Variants in LIMA1 observed in about 807,000 individuals in gnomAD.
LIMA1 encodes the protein LIM domain and actin binding 1.
In LIMA1, 52 loss-of-function variants were observed where a neutral mutation model predicts 62.6. The ratio of observed to expected loss-of-function variants is 0.83; its 90% CI spans 0.67 to 1.05. The LOEUF (loss-of-function observed/expected upper bound fraction) is 1.05, where lower values mean the gene tolerates loss of function less well. Ranked by LOEUF, LIMA1 falls within the 50% of genes least tolerant of loss-of-function variation. The probability of loss-of-function intolerance (pLI) is 0.00; values close to 1 mark genes in which losing one functional copy is unlikely to be tolerated. For missense variants in LIMA1, 780 were observed against 902.2 expected (o/e 0.86, Z 1.74); for synonymous variants, 302 against 317.8 (o/e 0.95, Z 0.53).
At chr12:50,199,399 C>T (rs191866435) in intron 7 of LIMA1, among the ~76,000 whole-genome samples, 1 of 152,262 alleles carries the variant, frequency 6.6e-6, no homozygotes, top group Admixed American at 6.5e-5. Context: ...GTTGTATCTG[C>T]CTGGAATAGC....
intron 4 of LIMA1, among the ~76,000 whole-genome samples, chr12:50,215,177 T>C (rs1199103146): frequency 6.6e-6 from 1 of 152,236 alleles, no homozygotes; most frequent in Admixed American, 6.5e-5. Context: ...CACTCTTATG[T>C]ACGAGTGTTA....
intron 1 of LIMA1, among the ~76,000 whole-genome samples, chr12:50,280,463 T>C (rs1307373664): frequency 2.0e-5 from 3 of 151,970 alleles, no homozygotes; most frequent in Non-Finnish European, 2.9e-5. Flanking sequence ...CGGCCCAGGG[T>C]AGTAGTATTA....
chr12:50,179,291 G>A (rs1189690640), intron 10 of LIMA1, among the ~76,000 whole-genome samples: 2 of 152,066 alleles, frequency 1.3e-5, no homozygotes, highest in African/African-American at 2.4e-5. Context: ...ACAGGTGTGT[G>A]CCACCATGCA....
intron 9 of LIMA1, chr12:50,186,130 T>C (rs1190005915): frequency 2.0e-5 from 3 of 152,330 alleles, no homozygotes; most frequent in Non-Finnish European, 4.4e-5. Flanking sequence ...CCTAAAAATC[T>C]CTACCATTAT....
intron 8 of LIMA1, among the ~76,000 whole-genome samples, chr12:50,193,739 A>G (rs1369205470): frequency 7.8e-6 from 1 of 128,022 alleles, no homozygotes; most frequent in Non-Finnish European, 1.6e-5. Flanking sequence ...ATCTCGGCTC[A>G]CTGCAACCTC....
chr12:50,265,488 C>A (rs532419842), intron 1 of LIMA1, among the ~76,000 whole-genome samples: 6 of 151,670 alleles, frequency 4.0e-5, no homozygotes, highest in Admixed American at 3.9e-4. Context: ...CCATTGCACA[C>A]CAGCCTGGGC....
At chr12:50,222,860 T>C (rs1941471004) in intron 3 of LIMA1, among the ~76,000 whole-genome samples, 1 of 151,910 alleles carries the variant, frequency 6.6e-6, no homozygotes, top group African/African-American at 2.4e-5. Flanking sequence ...TGAAACACTG[T>C]AACTACACAT....
chr12:50,193,055 AG>A (rs1940815521), intron 8 of LIMA1, among the ~76,000 whole-genome samples: 1 of 152,088 alleles, frequency 6.6e-6, no homozygotes, highest in African/African-American at 2.4e-5. Context: ...GTTTTTGGTC[AG>A]TTCTATAGCA....
At chr12:50,244,298 T>C (rs1483816752) in intron 2 of LIMA1, among the ~76,000 whole-genome samples, 1 of 152,040 alleles carries the variant, frequency 6.6e-6, no homozygotes, top group Non-Finnish European at 1.5e-5. Flanking sequence ...AGAGATAGGG[T>C]TTCACCACGT....
At position 50,175,824 on chromosome 12, in the gene LIMA1, G is replaced by A. The variant is rs1940320768; in HGVS notation, c.*1240C>T. ...ATTAAAATCTTTATTGAATAAAAAT[G>A]TTTCAGACTAGGTAAGACTAAGAAA... On this transcript the variant is annotated 3_prime_UTR_variant, in exon 11 of 11. Transcript: ENST00000341247. The A allele has an allele frequency of 6.6e-6, 1 of 152,102 alleles. No homozygotes were observed. Among genetic ancestry groups the A allele is most frequent in the African/African-American group, 2.4e-5 (1 of 41,426 alleles). 9.4% of individuals were successfully genotyped at this position (152,102 alleles called of 1,614,324 possible).
chr12:50,275,982 G>A (rs1412980865), intron 1 of LIMA1, among the ~76,000 whole-genome samples: 1 of 152,146 alleles, frequency 6.6e-6, no homozygotes, highest in Admixed American at 6.5e-5. Context: ...CTGATCTGCA[G>A]GTCTAGGTGG....
intron 1 of LIMA1, among the ~76,000 whole-genome samples, chr12:50,270,949 G>A (rs1051439586): frequency 7.2e-5 from 11 of 151,984 alleles, no homozygotes; most frequent in Non-Finnish European, 1.0e-4. Flanking sequence ...AAAATTAGCC[G>A]GGCGTGGTGG....
rs376940028 is a variant in LIMA1, at chr12:50,252,708, T to C, written c.-23-3934A>G. ...GAGTGATCAGAGATTAGGTCTAATC[T>C]TATGTGCTATTTACTTAGCACATGC... is the stretch of plus-strand genomic sequence containing the variant. On this transcript the variant is annotated intron_variant, in intron 1 of 10. Coordinates refer to ENST00000341247, the MANE Select transcript of LIMA1 (RefSeq NM_016357.5). Among the ~76,000 whole-genome samples, 6 of 152,228 alleles carry C rather than the reference T, an allele frequency of 3.9e-5. No individual in the cohort carries two copies. The South Asian group carries it at 1.2e-3, about 32-fold the overall frequency.
At chr12:50,251,495 C>A (rs1460922393) in intron 1 of LIMA1, among the ~76,000 whole-genome samples, 1 of 151,778 alleles carries the variant, frequency 6.6e-6, no homozygotes, top group African/African-American at 2.4e-5. Flanking sequence ...GTGGTACACC[C>A]CTGTAATCCC....
intron 7 of LIMA1, among the ~76,000 whole-genome samples, chr12:50,200,562 T>C (rs1007705030): frequency 1.3e-5 from 2 of 152,194 alleles, no homozygotes; most frequent in African/African-American, 4.8e-5. Context: ...CTGAGCAAAA[T>C]AATTTTCCAA....
intron 1 of LIMA1, among the ~76,000 whole-genome samples, chr12:50,268,281 C>T (rs1246112663): frequency 6.6e-6 from 1 of 152,150 alleles, no homozygotes; most frequent in Non-Finnish European, 1.5e-5. Flanking sequence ...ACAGCCCAGG[C>T]ATTGAGAGAG....
chr12:50,185,808 A>G (rs933767621), intron 9 of LIMA1: 2 of 216,400 alleles, frequency 9.2e-6, no homozygotes, highest in South Asian at 1.3e-4. Context: ...CCTCCTTAAC[A>G]TCAAGTTAAT....
intron 8 of LIMA1, among the ~76,000 whole-genome samples, chr12:50,193,592 T>TA (rs1940846477): frequency 1.1e-5 from 1 of 89,374 alleles, no homozygotes; most frequent in Non-Finnish European, 2.2e-5. Flanking sequence ...CATGTATATA[T>TA]GATATATATA....
chr12:50,194,265 A>AG (rs1940877800), intron 8 of LIMA1, among the ~76,000 whole-genome samples: 1 of 151,406 alleles, frequency 6.6e-6, no homozygotes, highest in African/African-American at 2.4e-5. Context: ...CTGGGATTAC[A>AG]GGCGTGAGCC....
Sources: gnomAD v4.1 joint callset for allele counts (sites outside exome capture counted in the v4.1 genomes callset) on GRCh38, gnomAD v4.1.1 for gene constraint, MANE v1.5 for transcripts, NCBI Gene and HGNC (gene_info 2026-07-23, HGNC 2026-07-21) for gene names.